Variants in C8orf34 observed in about 807,000 individuals in gnomAD.
C8orf34 encodes the protein uncharacterized protein C8orf34.
In C8orf34, 65 loss-of-function variants were observed where a neutral mutation model predicts 68.3. The ratio of observed to expected loss-of-function variants is 0.95; its 90% CI spans 0.78 to 1.17. The LOEUF (loss-of-function observed/expected upper bound fraction) is 1.17. Ranked by LOEUF, C8orf34 falls within the 50% of genes most tolerant of loss-of-function variation. C8orf34 has a pLI of 0.00. For synonymous variants in C8orf34, 244 were observed against 241.2 expected, an observed-to-expected ratio of 1.01 and a Z score of -0.11; for missense variants, 664 against 655.4, an observed-to-expected ratio of 1.01 and a Z score of -0.14.
At chr8:68,787,399 T>G in intron 11 of C8orf34, 44 bp from the exon 12 acceptor site, 1 of 1,365,638 alleles carries the variant, frequency 7.3e-7, no homozygotes, top group Non-Finnish European at 1.0e-6. Context: ...ATGTTCATGA[T>G]ATCAAAACAG....
intron 1 of C8orf34, among the ~76,000 whole-genome samples, chr8:68,429,341 A>T (rs974638916): frequency 2.6e-5 from 4 of 152,234 alleles, no homozygotes; most frequent in African/African-American, 9.6e-5. Flanking sequence ...TGCAAATTAA[A>T]ATCATAGGGA....
intron 7 of C8orf34, among the ~76,000 whole-genome samples, chr8:68,551,045 G>A (rs574884150): frequency 5.9e-5 from 9 of 151,684 alleles, no homozygotes; most frequent in South Asian, 2.1e-4. Context: ...CTGTGGCTTC[G>A]TGTCTGACAG....
In C8orf34 at chr8:68,533,804, A is replaced by T. The variant is rs560311073; in HGVS notation, c.1105+655A>T. 6 of 981,080 alleles carry T rather than the reference A, an allele frequency of 6.1e-6. No homozygotes were observed. The Admixed American group carries it at 2.5e-4, about 40-fold the overall frequency. 60.8% of individuals were successfully genotyped at this position (981,080 alleles called of 1,614,324 possible). On this transcript the variant is annotated intron_variant, in intron 7 of 13. Transcript: ENST00000518698. ...TTTAAACTGAACTTCTCTTTGGAAC[A>T]TCATTTTTCTGAAGAAAGAAAATGA...
chr8:68,755,373 T>G (rs183189125), intron 10 of C8orf34, among the ~76,000 whole-genome samples: 241 of 152,270 alleles, frequency 1.6e-3, no homozygotes, highest in Non-Finnish European at 2.5e-3. Flanking sequence ...ATAATAGTAA[T>G]AGAGTAATAA....
intron 11 of C8orf34, among the ~76,000 whole-genome samples, chr8:68,784,534 C>T (rs548199030): frequency 6.6e-6 from 1 of 152,274 alleles, no homozygotes; most frequent in East Asian, 1.9e-4. Context: ...GGAAGTTATT[C>T]CCCACATCCT....
At chr8:68,703,652 T>C (rs1006326760) in intron 8 of C8orf34, among the ~76,000 whole-genome samples, 2 of 152,076 alleles carry the variant, frequency 1.3e-5, no homozygotes, top group African/African-American at 2.4e-5. Flanking sequence ...CAGAAGCCTA[T>C]GAATAAATGC....
At chr8:68,575,077 A>G (rs554284571) in intron 7 of C8orf34, among the ~76,000 whole-genome samples, 11 of 152,144 alleles carry the variant, frequency 7.2e-5, no homozygotes, top group African/African-American at 2.4e-4. Flanking sequence ...CTCAAAAATG[A>G]CATATCTATA....
At chr8:68,457,537 G>A (rs1811604891) in intron 3 of C8orf34, among the ~76,000 whole-genome samples, 1 of 152,194 alleles carries the variant, frequency 6.6e-6, no homozygotes, top group South Asian at 2.1e-4. Context: ...CAAATGTTAT[G>A]TGGAGGAAAC....
chr8:68,718,837 T>A (rs1199264604), intron 9 of C8orf34, among the ~76,000 whole-genome samples: 1 of 152,180 alleles, frequency 6.6e-6, no homozygotes, highest in Non-Finnish European at 1.5e-5. Flanking sequence ...GTCCTACTCC[T>A]GCCACAGATT....
chr8:68,668,091 A>G (rs991424811), intron 8 of C8orf34, among the ~76,000 whole-genome samples: 2 of 152,168 alleles, frequency 1.3e-5, no homozygotes, highest in Admixed American at 6.5e-5. Flanking sequence ...AATAATCAAG[A>G]AAAATCCTTT....
At chr8:68,798,092 A>T (rs987305374) in intron 12 of C8orf34, among the ~76,000 whole-genome samples, 10 of 152,136 alleles carry the variant, frequency 6.6e-5, no homozygotes, top group African/African-American at 2.4e-4. Context: ...CTTTCAGAAG[A>T]TCAAAAGAAA....
intron 5 of C8orf34, among the ~76,000 whole-genome samples, chr8:68,499,379 G>T (rs1204766561): frequency 3.3e-5 from 5 of 152,094 alleles, no homozygotes; most frequent in African/African-American, 1.2e-4. Flanking sequence ...GCTTCTCCTG[G>T]CAAAATCTGG....
chr8:68,632,042 A>G (rs1408038537), intron 7 of C8orf34, among the ~76,000 whole-genome samples: 1 of 152,196 alleles, frequency 6.6e-6, no homozygotes, highest in African/African-American at 2.4e-5. Flanking sequence ...GGTAATGGGC[A>G]GTGGCTGGAA....
chr8:68,676,025 A>C (rs1820178458), intron 8 of C8orf34, among the ~76,000 whole-genome samples: 1 of 152,176 alleles, frequency 6.6e-6, no homozygotes, highest in Non-Finnish European at 1.5e-5. Context: ...CAGCAAGAGG[A>C]TATAACAATT....
At chr8:68,768,920 C>A (rs1823261394) in intron 10 of C8orf34, among the ~76,000 whole-genome samples, 1 of 150,696 alleles carries the variant, frequency 6.6e-6, no homozygotes, top group Non-Finnish European at 1.5e-5. Context: ...TATATTACTT[C>A]ATTCTTCTTT....
intron 9 of C8orf34, among the ~76,000 whole-genome samples, chr8:68,712,049 A>G (rs1253233458): frequency 6.6e-6 from 1 of 152,190 alleles, no homozygotes; most frequent in East Asian, 1.9e-4. Flanking sequence ...CTTAAACAAA[A>G]CAATTATTAC....
At chr8:68,358,700 T>C (rs905557078) in intron 1 of C8orf34, among the ~76,000 whole-genome samples, 2 of 148,204 alleles carry the variant, frequency 1.3e-5, no homozygotes, top group African/African-American at 5.2e-5. Flanking sequence ...GATTGATTTA[T>C]TCATATTTAT....
intron 12 of C8orf34, among the ~76,000 whole-genome samples, chr8:68,804,988 C>A (rs1425171019): frequency 6.6e-6 from 1 of 152,060 alleles, no homozygotes; most frequent in Non-Finnish European, 1.5e-5. Flanking sequence ...AACGTCAGTC[C>A]CCTGAAGCAA....
chr8:68,436,834 C>G (rs778543916), intron 1 of C8orf34, among the ~76,000 whole-genome samples: 1 of 152,130 alleles, frequency 6.6e-6, no homozygotes, highest in African/African-American at 2.4e-5. Flanking sequence ...TCTACCTCTG[C>G]GGCTCTAATT....
Sources: allele counts gnomAD v4.1 joint callset (sites outside exome capture counted in the v4.1 genomes callset), GRCh38; gene constraint gnomAD v4.1.1; transcripts MANE v1.5; gene names NCBI Gene and HGNC (gene_info 2026-07-23, HGNC 2026-07-21).